VOPP1: variants seen among roughly 807,000 people sequenced by gnomAD.
The protein encoded by VOPP1 is VOPP1 WW domain binding protein.
A neutral mutation model predicts 23.5 loss-of-function variants in VOPP1; 8 were observed. That is an observed-to-expected ratio of 0.34 (90% confidence interval 0.20 to 0.61). The LOEUF (loss-of-function observed/expected upper bound fraction) is 0.61. Ranked by LOEUF, VOPP1 falls within the 20% of genes least tolerant of loss-of-function variation. VOPP1 has a pLI of 0.78. For missense variants in VOPP1, 174 were observed against 238.1 expected (o/e 0.73, Z 1.77); for synonymous variants, 83 against 97.3 (o/e 0.85, Z 0.86).
At chr7:55,514,585 TA>T (rs1189759701) in intron 2 of VOPP1, among the ~76,000 whole-genome samples, 3 of 152,162 alleles carry the variant, frequency 2.0e-5, no homozygotes, top group Non-Finnish European at 4.4e-5. Context: ...ACAGAAGGTA[TA>T]AAAATCAGCA....
At chr7:55,555,118 T>A (rs1057402236) in intron 1 of VOPP1, among the ~76,000 whole-genome samples, 44 of 152,190 alleles carry the variant, frequency 2.9e-4, no homozygotes, top group Admixed American at 2.9e-3. Flanking sequence ...ATATACTTTT[T>A]AAAAAGGAAC....
At chr7:55,515,285 C>T (rs1490915172) in intron 2 of VOPP1, among the ~76,000 whole-genome samples, 2 of 152,166 alleles carry the variant, frequency 1.3e-5, no homozygotes, top group East Asian at 1.9e-4. Flanking sequence ...CATTCAGGCA[C>T]CGAGGAAGGC....
At chr7:55,530,876 C>A (rs1248469838) in intron 1 of VOPP1, 1 of 152,194 alleles carries the variant, frequency 6.6e-6, no homozygotes, top group Non-Finnish European at 1.5e-5. Flanking sequence ...AAATCAAACA[C>A]AAGTGTGTCC....
intron 4 of VOPP1, among the ~76,000 whole-genome samples, chr7:55,443,809 T>C (rs1004990370): frequency 6.6e-6 from 1 of 151,856 alleles, no homozygotes; most frequent in African/African-American, 2.4e-5. Flanking sequence ...CACGCTCAGC[T>C]AATTTTTGTA....
intron 4 of VOPP1, among the ~76,000 whole-genome samples, chr7:55,446,561 T>A (rs544175014): frequency 1.3e-5 from 2 of 152,324 alleles, no homozygotes; most frequent in South Asian, 4.1e-4. Context: ...TATTATTTTA[T>A]AAACAGCAGA....
intron 4 of VOPP1, among the ~76,000 whole-genome samples, chr7:55,453,083 G>A (rs1399599201): frequency 6.6e-6 from 1 of 152,140 alleles, no homozygotes; most frequent in Non-Finnish European, 1.5e-5. Flanking sequence ...CCTCCTCAGT[G>A]GTCTTAGCTA....
At chr7:55,570,251 T>C (rs1209357834) in intron 1 of VOPP1, among the ~76,000 whole-genome samples, 1 of 152,180 alleles carries the variant, frequency 6.6e-6, no homozygotes, top group African/African-American at 2.4e-5. Context: ...TGATAAATGA[T>C]GAAGAAATCT....
At chr7:55,497,441 G>A (rs971065349) in intron 3 of VOPP1, among the ~76,000 whole-genome samples, 172 bp downstream of exon 3, 2 of 151,972 alleles carry the variant, frequency 1.3e-5, no homozygotes, top group Non-Finnish European at 2.9e-5. Flanking sequence ...AACCCCATGC[G>A]TGCAACTGCC....
chr7:55,536,356 C>T (rs1054578085), intron 1 of VOPP1, among the ~76,000 whole-genome samples: 7 of 152,094 alleles, frequency 4.6e-5, no homozygotes, highest in African/African-American at 1.4e-4. Flanking sequence ...TGGTGAAACC[C>T]CGTCTCTACT....
intron 4 of VOPP1, among the ~76,000 whole-genome samples, chr7:55,440,833 C>T (rs1554389562): frequency 6.6e-6 from 1 of 152,176 alleles, no homozygotes; most frequent in Non-Finnish European, 1.5e-5. Context: ...TTTCCTGGGA[C>T]TCTTCCTGAG....
At chr7:55,514,491 C>T (rs1056600672) in intron 2 of VOPP1, among the ~76,000 whole-genome samples, 2 of 152,222 alleles carry the variant, frequency 1.3e-5, no homozygotes, top group South Asian at 2.1e-4. Flanking sequence ...AGAATCACTC[C>T]GTCTCCAACC....
chr7:55,537,464 G>T (rs1020428638), intron 1 of VOPP1: 3 of 1,535,908 alleles, frequency 2.0e-6, no homozygotes, highest in Non-Finnish European at 2.6e-6. Flanking sequence ...TCTGGGCCAG[G>T]CTTCACAGCA....
At position 55,472,262 on chromosome 7, in the gene VOPP1, C is replaced by A. The variant is rs1418589825; in HGVS notation, c.*593G>T. On this transcript the variant is annotated 3_prime_UTR_variant, in exon 5 of 5. Transcript: ENST00000285279. ...TGAGAGCTGCACGTGCTACCCTTCC[C>A]TGGCGGTGCAGGAGAAGTCTATCTT... is the stretch of plus-strand genomic sequence containing the variant. 6.7e-6 allele frequency: 1 copy of A among 148,926 alleles called. No individual in the cohort carries two copies. Among genetic ancestry groups the A allele is most frequent in the East Asian group, 2.0e-4 (1 of 4,886 alleles). 9.2% of individuals were successfully genotyped at this position (148,926 alleles called of 1,614,324 possible). A position where few individuals can be genotyped will look rare whatever the true frequency, so the allele number is the denominator to read the frequency against.
intron 2 of VOPP1, among the ~76,000 whole-genome samples, chr7:55,504,348 C>A (rs368115274): frequency 6.6e-6 from 1 of 152,176 alleles, no homozygotes; most frequent in East Asian, 1.9e-4. Flanking sequence ...CACTGGCCTT[C>A]GAATTAGCTA....
chr7:55,542,808 A>G (rs1387900628), intron 1 of VOPP1, among the ~76,000 whole-genome samples: 1 of 151,772 alleles, frequency 6.6e-6, no homozygotes, highest in Non-Finnish European at 1.5e-5. Context: ...AAAAAAAAAT[A>G]CAGAACAGGC....
At chr7:55,569,081 A>C (rs1385594863) in intron 1 of VOPP1, among the ~76,000 whole-genome samples, 4 of 152,212 alleles carry the variant, frequency 2.6e-5, no homozygotes, top group Non-Finnish European at 4.4e-5. Flanking sequence ...AGGGAGATAA[A>C]ATCAGGGCCC....
At chr7:55,445,690 T>C (rs1791083793) in intron 4 of VOPP1, among the ~76,000 whole-genome samples, 1 of 152,204 alleles carries the variant, frequency 6.6e-6, no homozygotes, top group African/African-American at 2.4e-5. Context: ...CCCTCTGGTG[T>C]CATTTAACTT....
chr7:55,457,482 G>C (rs1352381594), intron 4 of VOPP1, among the ~76,000 whole-genome samples: 4 of 152,198 alleles, frequency 2.6e-5, no homozygotes, highest in South Asian at 2.1e-4. Flanking sequence ...TAAATACCCA[G>C]TAGTGGGGAT....
intron 1 of VOPP1, among the ~76,000 whole-genome samples, chr7:55,559,198 G>T (rs1797904621): frequency 6.6e-6 from 1 of 152,132 alleles, no homozygotes. Flanking sequence ...ACAGGGTGGA[G>T]TTTAAAAAGG....
Sources: allele counts gnomAD v4.1 joint callset (sites outside exome capture counted in the v4.1 genomes callset), GRCh38; gene constraint gnomAD v4.1.1; transcripts MANE v1.5; gene names NCBI Gene and HGNC (gene_info 2026-07-23, HGNC 2026-07-21).